SPAG16: variants seen among roughly 807,000 people sequenced by gnomAD.
The protein encoded by SPAG16 is sperm associated antigen 16.
In SPAG16, 86 loss-of-function variants were observed where a neutral mutation model predicts 80.4. The observed-to-expected ratio is 1.07, with a 90% CI of 0.90 to 1.28. The LOEUF (loss-of-function observed/expected upper bound fraction) is 1.28. Ranked by LOEUF, SPAG16 falls within the 50% of genes most tolerant of loss-of-function variation. The pLI, the probability that SPAG16 is intolerant of heterozygous loss-of-function variation, is 0.00. For missense variants in SPAG16, 870 were observed against 765.3 expected (o/e 1.14, Z -1.61); for synonymous variants, 294 against 265.9 (o/e 1.11, Z -1.03).
intron 15 of SPAG16, among the ~76,000 whole-genome samples, chr2:214,383,245 T>C (rs1441607853): frequency 6.6e-6 from 1 of 152,118 alleles, no homozygotes; most frequent in Non-Finnish European, 1.5e-5. Context: ...GTCCTAAGCA[T>C]AGTCTAAGAA....
At chr2:214,028,376 T>C (rs1206466827) in intron 13 of SPAG16, among the ~76,000 whole-genome samples, 2 of 152,072 alleles carry the variant, frequency 1.3e-5, no homozygotes, top group Non-Finnish European at 2.9e-5. Context: ...ATGGAGCCTT[T>C]TCACAATTCT....
intron 14 of SPAG16, among the ~76,000 whole-genome samples, chr2:214,147,051 G>T (rs1211835222): frequency 4.0e-5 from 6 of 151,354 alleles, no homozygotes; most frequent in Non-Finnish European, 2.9e-5. Flanking sequence ...TGCATACTTT[G>T]TCATGGCTTT....
At position 213,623,740 on chromosome 2, in the gene SPAG16, A is replaced by T. The variant is rs2061863915; in HGVS notation, c.1070+133650A>T. 2.0e-5 allele frequency among the ~76,000 whole-genome samples: 3 copies of T among 152,246 alleles called. No homozygotes were observed. The South Asian group carries it at 6.2e-4, about 32-fold the overall frequency. ...ATGCAAGGCATTTTGGTTAATATTCAAAAACTGACCTCTGAAAATAATAAA... is the reference window on the plus strand; with the variant it reads ...ATGCAAGGCATTTTGGTTAATATTCTAAAACTGACCTCTGAAAATAATAAA... On this transcript the variant is annotated intron_variant, in intron 10 of 15. Coordinates refer to ENST00000331683, the MANE Select transcript of SPAG16 (RefSeq NM_024532.5).
intron 13 of SPAG16, among the ~76,000 whole-genome samples, chr2:214,018,831 C>A (rs2047717763): frequency 6.6e-6 from 1 of 152,116 alleles, no homozygotes; most frequent in South Asian, 2.1e-4. Context: ...CTCCCACTCT[C>A]AAACATATAC....
intron 10 of SPAG16, among the ~76,000 whole-genome samples, chr2:213,614,588 C>T (rs1045198020): frequency 4.6e-5 from 7 of 152,118 alleles, no homozygotes; most frequent in African/African-American, 9.7e-5. Context: ...TAGTGGATGC[C>T]GCTTTCTTGA....
At chr2:214,046,176 C>A (rs772369545) in intron 13 of SPAG16, among the ~76,000 whole-genome samples, 1 of 151,968 alleles carries the variant, frequency 6.6e-6, no homozygotes, top group Non-Finnish European at 1.5e-5. Flanking sequence ...CTAAACAGAC[C>A]AATAACAAGT....
chr2:213,637,246 C>T (rs936066810), intron 10 of SPAG16, among the ~76,000 whole-genome samples: 18 of 152,142 alleles, frequency 1.2e-4, no homozygotes, highest in African/African-American at 4.3e-4. Flanking sequence ...GTTTATATGA[C>T]ATGTCACATT....
chr2:214,247,012 GT>G (rs529910964), intron 15 of SPAG16, among the ~76,000 whole-genome samples: 1 of 152,122 alleles, frequency 6.6e-6, no homozygotes, highest in South Asian at 2.1e-4. Flanking sequence ...AAAATAAAAT[GT>G]TTTTTAGTTT....
intron 15 of SPAG16, among the ~76,000 whole-genome samples, chr2:214,408,693 C>G (rs1484954365): frequency 6.6e-6 from 1 of 152,060 alleles, no homozygotes; most frequent in Non-Finnish European, 1.5e-5. Flanking sequence ...GCTATTTTCA[C>G]AATATATCAC....
At chr2:213,711,608 A>G (rs781686103) in intron 10 of SPAG16, among the ~76,000 whole-genome samples, 1 of 149,030 alleles carries the variant, frequency 6.7e-6, no homozygotes, top group Non-Finnish European at 1.5e-5. Flanking sequence ...CTGCAATTCC[A>G]CCTCAGGTTC....
intron 10 of SPAG16, among the ~76,000 whole-genome samples, chr2:213,795,939 C>T (rs1490597860): frequency 1.3e-5 from 2 of 152,112 alleles, no homozygotes; most frequent in East Asian, 3.9e-4. Flanking sequence ...AATTACCCAG[C>T]CTCAAGTGTT....
intron 10 of SPAG16, among the ~76,000 whole-genome samples, chr2:213,684,929 T>C (rs1203861573): frequency 6.6e-6 from 1 of 152,192 alleles, no homozygotes; most frequent in East Asian, 1.9e-4. Context: ...ACATGTGCTA[T>C]GAAGGAGTGG....
At chr2:213,783,435 T>G (rs1375394091) in intron 10 of SPAG16, among the ~76,000 whole-genome samples, 3 of 148,348 alleles carry the variant, frequency 2.0e-5, no homozygotes, top group Non-Finnish European at 3.0e-5. Context: ...AGTATCTATA[T>G]CTATTATTTT....
intron 10 of SPAG16, among the ~76,000 whole-genome samples, chr2:213,861,552 G>A (rs748440917): frequency 3.3e-5 from 5 of 152,126 alleles, no homozygotes; most frequent in South Asian, 2.1e-4. Flanking sequence ...AATTTAGATG[G>A]CCAAATTGAA....
At chr2:214,063,359 A>G (rs752688948) in intron 13 of SPAG16, among the ~76,000 whole-genome samples, 1 of 152,140 alleles carries the variant, frequency 6.6e-6, no homozygotes, top group Non-Finnish European at 1.5e-5. Context: ...TTTATTTTTC[A>G]TGGTTCTGGA....
intron 9 of SPAG16, among the ~76,000 whole-genome samples, chr2:213,476,419 A>G (rs1389541633): frequency 2.0e-5 from 3 of 152,170 alleles, no homozygotes; most frequent in Admixed American, 2.0e-4. Flanking sequence ...AACATTTCCA[A>G]CACCCGAGGG....
At chr2:214,197,799 T>G (rs1432639110) in intron 15 of SPAG16, among the ~76,000 whole-genome samples, 1 of 151,914 alleles carries the variant, frequency 6.6e-6, no homozygotes, top group Non-Finnish European at 1.5e-5. Context: ...GTTTTTTATA[T>G]GTGTTTTTCC....
At chr2:214,100,626 CAT>C (rs1293038200) in intron 13 of SPAG16, among the ~76,000 whole-genome samples, 30 of 152,206 alleles carry the variant, frequency 2.0e-4, no homozygotes, top group South Asian at 1.4e-3. Flanking sequence ...AATACCAAAA[CAT>C]GTGGTATTTC....
intron 8 of SPAG16, among the ~76,000 whole-genome samples, chr2:213,367,101 T>C (rs1432827049): frequency 6.6e-6 from 1 of 152,188 alleles, no homozygotes; most frequent in Non-Finnish European, 1.5e-5. Flanking sequence ...TCCATGTCCC[T>C]ACAAAGGACA....
Sources: gnomAD v4.1 joint callset for allele counts (sites outside exome capture counted in the v4.1 genomes callset) on GRCh38, gnomAD v4.1.1 for gene constraint, MANE v1.5 for transcripts, NCBI Gene and HGNC (gene_info 2026-07-23, HGNC 2026-07-21) for gene names.